Variants in GLRA3 observed in about 807,000 individuals in gnomAD.
The protein encoded by GLRA3 is glycine receptor subunit alpha-3.
GLRA3 carries 44 observed loss-of-function variants against 60.4 expected under a neutral mutation model. That is an observed-to-expected ratio of 0.73 (90% CI 0.57 to 0.94). GLRA3 has a LOEUF of 0.94. GLRA3 is among the 40% of genes least tolerant of loss of function. GLRA3 has a pLI of 0.00. For missense variants in GLRA3, 508 were observed against 564.6 expected, an observed-to-expected ratio of 0.90 and a Z score of 1.02; for synonymous variants, 223 against 192.9, an observed-to-expected ratio of 1.16 and a Z score of -1.29.
intron 5 of GLRA3, among the ~76,000 whole-genome samples, chr4:174,694,918 A>T (rs1413418266): frequency 1.3e-5 from 2 of 152,166 alleles, no homozygotes; most frequent in African/African-American, 4.8e-5. Flanking sequence ...ACAGAAATGA[A>T]AACAACCATC....
chr4:174,764,889 T>C (rs1011157204), intron 3 of GLRA3, among the ~76,000 whole-genome samples: 1 of 152,040 alleles, frequency 6.6e-6, no homozygotes, highest in African/African-American at 2.4e-5. Context: ...CTGATCATTT[T>C]AATGGAAATG....
chr4:174,678,994 T>C (rs61258069), intron 6 of GLRA3, among the ~76,000 whole-genome samples: 26,259 of 152,132 alleles, frequency 0.17, 2,551 homozygotes, highest in African/African-American at 0.26. Context: ...AGCTCCACTG[T>C]GTTTTTATTT....
intron 5 of GLRA3, among the ~76,000 whole-genome samples, chr4:174,696,068 C>CA (rs1735041762): frequency 6.6e-6 from 1 of 151,742 alleles, no homozygotes; most frequent in African/African-American, 2.4e-5. Flanking sequence ...ATGACAATTA[C>CA]AAAACACTCC....
At chr4:174,730,015 T>C (rs1046458784) in intron 3 of GLRA3, among the ~76,000 whole-genome samples, 2 of 152,210 alleles carry the variant, frequency 1.3e-5, no homozygotes, top group Non-Finnish European at 2.9e-5. Context: ...GCCCTGAGAC[T>C]ATATTCTAAC....
chr4:174,813,629 T>C lies in GLRA3; in HGVS notation c.71+15112A>G, dbSNP rs541707166. Reference sequence around the variant, plus strand: ...AATTGTGCATTCAACTGATGAATTATGCTGAATTATGAAATTACAACCTCC... The same window carrying C: ...AATTGTGCATTCAACTGATGAATTACGCTGAATTATGAAATTACAACCTCC... On this transcript the variant is annotated intron_variant, in intron 1 of 9. Coordinates refer to ENST00000274093, the MANE Select transcript of GLRA3 (RefSeq NM_006529.4). 2.0e-5 allele frequency among the ~76,000 whole-genome samples: 3 copies of C among 152,360 alleles called. No individual in the cohort carries two copies. The East Asian group carries it at 5.8e-4, about 29-fold the overall frequency.
intron 7 of GLRA3, among the ~76,000 whole-genome samples, chr4:174,664,083 C>T (rs1384818337): frequency 6.6e-6 from 1 of 152,194 alleles, no homozygotes; most frequent in Non-Finnish European, 1.5e-5. Flanking sequence ...GTGCTCTTTC[C>T]ATGGCTTCTG....
At chr4:174,761,247 G>C (rs1389153994) in intron 3 of GLRA3, among the ~76,000 whole-genome samples, 2 of 151,764 alleles carry the variant, frequency 1.3e-5, no homozygotes, top group Non-Finnish European at 2.9e-5. Context: ...TATATGGAGA[G>C]ATAGATAGAT....
At chr4:174,715,629 T>C (rs1197260871) in intron 4 of GLRA3, 59 bp from the exon 5 acceptor site, 2 of 765,742 alleles carry the variant, frequency 2.6e-6, no homozygotes, top group South Asian at 1.8e-5. Context: ...AATATTCTAT[T>C]GTACAGGAGA....
intron 7 of GLRA3, among the ~76,000 whole-genome samples, chr4:174,659,845 G>A (rs958122231): frequency 3.3e-5 from 5 of 151,626 alleles, no homozygotes; most frequent in African/African-American, 9.7e-5. Context: ...GGTGGCGGGC[G>A]CCTATAATCC....
intron 3 of GLRA3, among the ~76,000 whole-genome samples, chr4:174,731,968 G>A (rs1736564503): frequency 6.6e-6 from 1 of 152,144 alleles, no homozygotes; most frequent in Admixed American, 6.5e-5. Flanking sequence ...TATATTTACT[G>A]GGCTGTTAAA....
At chr4:174,701,192 T>G (rs1735303921) in intron 5 of GLRA3, among the ~76,000 whole-genome samples, 1 of 152,162 alleles carries the variant, frequency 6.6e-6, no homozygotes, top group Non-Finnish European at 1.5e-5. Context: ...ATGAAGCTGA[T>G]GACTCTAAGT....
At chr4:174,724,550 A>T (rs1016629269) in intron 4 of GLRA3, among the ~76,000 whole-genome samples, 1 of 152,130 alleles carries the variant, frequency 6.6e-6, no homozygotes, top group African/African-American at 2.4e-5. Context: ...ACTGTCAAAT[A>T]TAATTTAGGA....
At chr4:174,800,670 G>A (rs1323182857) in intron 1 of GLRA3, among the ~76,000 whole-genome samples, 1 of 151,884 alleles carries the variant, frequency 6.6e-6, no homozygotes, top group Non-Finnish European at 1.5e-5. Flanking sequence ...TCTCTTAAAA[G>A]CAAAACTTTA....
At chr4:174,655,516 C>T (rs969851888) in intron 9 of GLRA3, among the ~76,000 whole-genome samples, 2 of 152,116 alleles carry the variant, frequency 1.3e-5, no homozygotes, top group African/African-American at 2.4e-5. Flanking sequence ...AGGTACCTTT[C>T]ACTCTATAGT....
intron 3 of GLRA3, among the ~76,000 whole-genome samples, chr4:174,752,003 G>C (rs916202107): frequency 1.3e-5 from 2 of 151,906 alleles, no homozygotes; most frequent in Admixed American, 1.3e-4. Context: ...ACAGAAAAGG[G>C]ATGCAAAGCA....
At chr4:174,788,786 C>T (rs1270033936) in intron 2 of GLRA3, 30 bp downstream of exon 2, 4 of 1,498,616 alleles carry the variant, frequency 2.7e-6, no homozygotes, top group Non-Finnish European at 2.7e-6. Context: ...ATTTAAAACA[C>T]ACATATAAAG....
At chr4:174,660,936 G>A (rs1040008887) in intron 7 of GLRA3, among the ~76,000 whole-genome samples, 1 of 152,128 alleles carries the variant, frequency 6.6e-6, no homozygotes, top group African/African-American at 2.4e-5. Context: ...ACATATATCC[G>A]TTTGACAAGT....
chr4:174,695,745 C>A (rs539801406), intron 5 of GLRA3, among the ~76,000 whole-genome samples: 15 of 152,186 alleles, frequency 9.9e-5, no homozygotes, highest in Admixed American at 9.8e-4. Context: ...GCAGAGCTAT[C>A]AGGCAAGACA....
intron 5 of GLRA3, among the ~76,000 whole-genome samples, chr4:174,711,533 G>C (rs541663322): frequency 6.6e-6 from 1 of 151,364 alleles, no homozygotes; most frequent in South Asian, 2.1e-4. Flanking sequence ...CCCACCTCCC[G>C]GGTTCAAGCG....
Sources: gnomAD v4.1 joint callset for allele counts (sites outside exome capture counted in the v4.1 genomes callset) on GRCh38, gnomAD v4.1.1 for gene constraint, MANE v1.5 for transcripts, NCBI Gene and HGNC (gene_info 2026-07-23, HGNC 2026-07-21) for gene names.